RFX7: variants seen among roughly 807,000 people sequenced by gnomAD.
RFX7 encodes the protein regulatory factor X7.
A neutral mutation model predicts 111.8 loss-of-function variants in RFX7; 26 were observed. The ratio of observed to expected loss-of-function variants is 0.23; its 90% CI spans 0.17 to 0.32. The LOEUF is 0.32. Among genes scored for constraint, RFX7 ranks in the 10% least tolerant of loss-of-function variants. The pLI is 1.00. For synonymous variants in RFX7, 624 were observed against 624.4 expected (o/e 1.00, Z 0.01); for missense variants, 1,573 against 1,772.9 (o/e 0.89, Z 2.02).
chr15:56,147,665 C>G (rs568632535), intron 3 of RFX7, among the ~76,000 whole-genome samples: 1 of 152,142 alleles, frequency 6.6e-6, no homozygotes, highest in Non-Finnish European at 1.5e-5. Context: ...GCTCCGCCCC[C>G]CGGGTTCACA....
intron 2 of RFX7, among the ~76,000 whole-genome samples, chr15:56,239,817 T>G (rs555505666): frequency 6.6e-6 from 1 of 152,114 alleles, no homozygotes; most frequent in Non-Finnish European, 1.5e-5. Flanking sequence ...CTCAATCCTA[T>G]TTTTTCCACA....
At chr15:56,106,390 T>C (rs2041830134) in intron 5 of RFX7, among the ~76,000 whole-genome samples, 1 of 152,174 alleles carries the variant, frequency 6.6e-6, no homozygotes, top group East Asian at 1.9e-4. Flanking sequence ...AGAAGAAAAC[T>C]GCCTATGATT....
At chr15:56,224,798 T>A (rs1387934218) in intron 2 of RFX7, among the ~76,000 whole-genome samples, 1 of 152,136 alleles carries the variant, frequency 6.6e-6, no homozygotes, top group Non-Finnish European at 1.5e-5. Flanking sequence ...AGTTCATTTC[T>A]ATTTTGTCCT....
chr15:56,211,537 G>T (rs2043313203), intron 2 of RFX7, among the ~76,000 whole-genome samples: 1 of 152,054 alleles, frequency 6.6e-6, no homozygotes, highest in East Asian at 1.9e-4. Context: ...ATAAAAGAAA[G>T]CATTGATGAG....
At position 56,196,663 on chromosome 15, in the gene RFX7, G is replaced by A. The variant is rs554258125; in HGVS notation, c.162-17360C>T. 3.6e-4 allele frequency among the ~76,000 whole-genome samples: 54 copies of A among 151,986 alleles called. 1 individual carries two copies. Among genetic ancestry groups the A allele is most frequent in the African/African-American group, 1.1e-3 (46 of 41,426 alleles). ...CAACCCTGCTGGCACCTTGATCTTC[G>A]ACCTCAAGCCACCAGAACTGGTAAA... On this transcript the variant is annotated intron_variant, in intron 2 of 9. Transcript: ENST00000559447.
In RFX7 at chr15:56,095,560, C is replaced by T. The variant is rs374394850; in HGVS notation, c.2168G>A (p.Ser723Asn). 28 of 1,613,802 alleles carry T rather than the reference C, an allele frequency of 1.7e-5. No individual in the cohort carries two copies. In the African/African-American group the frequency reaches 2.4e-4, roughly 14 times the overall value. ...QIPSKVSVNV[S>N]SHIGANQPLN... Reference sequence around the variant, plus strand: ...GGGTTGATTTGCTCCTATGTGTGAACTGACATTTACTGATACCTTGCTAGG... The same window carrying T: ...GGGTTGATTTGCTCCTATGTGTGAATTGACATTTACTGATACCTTGCTAGG... Residue 723 changes from serine (S) to asparagine (N), a missense_variant, in exon 10 of 10, where the codon AGT becomes AAT. By Grantham distance (46) the Ser-to-Asn change is conservative. This residue lies in a region of RFX7 where 625 missense variants were observed against 632.2 expected (regional missense o/e 0.99). Transcript: ENST00000559447.
At chr15:56,148,856 C>T (rs927541798) in intron 3 of RFX7, among the ~76,000 whole-genome samples, 3 of 151,942 alleles carry the variant, frequency 2.0e-5, no homozygotes, top group South Asian at 4.2e-4. Context: ...CTGAGGTGGG[C>T]GGATCATGAA....
chr15:56,095,821 C>T lies in RFX7; in HGVS notation c.1907G>A (p.Ser636Asn). The T allele has an allele frequency of 1.9e-6, 3 of 1,610,944 alleles. No individual in the cohort carries two copies. Among genetic ancestry groups the T allele is most frequent in the Non-Finnish European group, 2.5e-6 (3 of 1,179,862 alleles). Residue 636 changes from serine (S) to asparagine (N), a missense_variant, in exon 10 of 10, where the codon AGC becomes AAC. Physicochemically the swap from Ser to Asn is conservative, Grantham distance 46 (BLOSUM62 1). This residue lies in a region of RFX7 where 625 missense variants were observed against 632.2 expected (regional missense o/e 0.99). Coordinates refer to ENST00000559447, the MANE Select transcript of RFX7 (RefSeq NM_022841.7). Reference sequence around the variant, plus strand: ...TGAGTCACCATTAGGTGGTGAGCTGCTGCTGGTGAAAGTTAAGTTCTGAGA... The same window carrying T: ...TGAGTCACCATTAGGTGGTGAGCTGTTGCTGGTGAAAGTTAAGTTCTGAGA... ...VASQNLTFTS[S>N]SSPPNGDSIN...
intron 2 of RFX7, among the ~76,000 whole-genome samples, chr15:56,206,766 G>A (rs550639739): frequency 6.6e-6 from 1 of 150,798 alleles, no homozygotes; most frequent in Non-Finnish European, 1.5e-5. Flanking sequence ...AACAGTACAT[G>A]TTCTCACTTA....
chr15:56,154,328 A>C (rs1261454711), intron 3 of RFX7, among the ~76,000 whole-genome samples: 1 of 152,214 alleles, frequency 6.6e-6, no homozygotes, highest in African/African-American at 2.4e-5. Context: ...AGCCAAGACA[A>C]TCCGGGGCAG....
intron 2 of RFX7, among the ~76,000 whole-genome samples, chr15:56,239,864 C>T (rs1294778315): frequency 1.3e-5 from 2 of 151,902 alleles, no homozygotes; most frequent in Non-Finnish European, 2.9e-5. Flanking sequence ...GTAAAACTGC[C>T]TTAAAAAGGT....
chr15:56,133,262 TA>T lies in RFX7; in HGVS notation c.401+9515del, dbSNP rs550503211. 1.1e-3 allele frequency among the ~76,000 whole-genome samples: 163 copies of T among 152,184 alleles called. 1 individual carries two copies. Among genetic ancestry groups the T allele is most frequent in the African/African-American group, 3.8e-3 (156 of 41,558 alleles). Reference sequence around the variant, plus strand: ...CTGTTTTTGCATACTGAAAGCTCCTTAAAGCTTTTTATTTCTATTAATATCT... The same window carrying T: ...CTGTTTTTGCATACTGAAAGCTCCTTAAGCTTTTTATTTCTATTAATATCT... On this transcript the variant is annotated intron_variant, in intron 5 of 9. Transcript: ENST00000559447.
chr15:56,166,980 T>C (rs1297732423), intron 3 of RFX7, among the ~76,000 whole-genome samples: 2 of 152,144 alleles, frequency 1.3e-5, no homozygotes, highest in Non-Finnish European at 2.9e-5. Flanking sequence ...AACACTGGAT[T>C]ACTATTTCCC....
At chr15:56,185,165 A>G (rs2043024480) in intron 2 of RFX7, among the ~76,000 whole-genome samples, 1 of 152,156 alleles carries the variant, frequency 6.6e-6, no homozygotes, top group Non-Finnish European at 1.5e-5. Context: ...GCTACGTAGT[A>G]TTTTGTTATT....
chr15:56,207,673 G>A (rs1162580238), intron 2 of RFX7, among the ~76,000 whole-genome samples: 2 of 152,118 alleles, frequency 1.3e-5, no homozygotes, highest in Non-Finnish European at 2.9e-5. Context: ...TTGGACTTGT[G>A]CTCTACAAAA....
intron 5 of RFX7, among the ~76,000 whole-genome samples, chr15:56,134,867 T>TG: frequency 6.6e-6 from 1 of 152,094 alleles, no homozygotes; most frequent in Non-Finnish European, 1.5e-5. Context: ...ATGCAGTGTT[T>TG]GGTTTTTTGT....
intron 2 of RFX7, among the ~76,000 whole-genome samples, chr15:56,223,543 T>A (rs1274157836): frequency 5.3e-5 from 8 of 152,126 alleles, no homozygotes; most frequent in African/African-American, 1.9e-4. Flanking sequence ...GGAGGGAGGG[T>A]AAGTTTAACA....
intron 4 of RFX7, among the ~76,000 whole-genome samples, chr15:56,143,761 A>C (rs554137473): frequency 6.6e-6 from 1 of 152,176 alleles, no homozygotes; most frequent in African/African-American, 2.4e-5. Flanking sequence ...AATAATTTGC[A>C]TTTCATTTAT....
intron 5 of RFX7, among the ~76,000 whole-genome samples, chr15:56,132,146 T>C (rs2042226407): frequency 6.6e-6 from 1 of 152,104 alleles, no homozygotes; most frequent in African/African-American, 2.4e-5. Context: ...CTGTAGTTAA[T>C]TTTTCTAAAA....
Sources: gnomAD v4.1 joint callset for allele counts (sites outside exome capture counted in the v4.1 genomes callset) on GRCh38, gnomAD v4.1.1 for gene constraint, gnomAD v4.1.1 regional missense constraint, MANE v1.5 for transcripts, NCBI Gene and HGNC (gene_info 2026-07-23, HGNC 2026-07-21) for gene names.